Variants in MCF2L2 observed in about 807,000 individuals in gnomAD.
The protein encoded by MCF2L2 is MCF.2 cell line derived transforming sequence-like 2.
In MCF2L2, 102 loss-of-function variants were observed where a neutral mutation model predicts 150.2. That is an observed-to-expected ratio of 0.68 (90% CI 0.58 to 0.80). MCF2L2 has a LOEUF of 0.80. MCF2L2 is among the 30% of genes least tolerant of loss of function. MCF2L2 has a pLI of 0.00. For synonymous variants in MCF2L2, 465 were observed against 491.3 expected (o/e 0.95, Z 0.71); for missense variants, 1,256 against 1,372.8 (o/e 0.91, Z 1.34).
intron 25 of MCF2L2, among the ~76,000 whole-genome samples, chr3:183,205,034 G>A (rs1722423695): frequency 6.6e-6 from 1 of 152,168 alleles, no homozygotes; most frequent in Non-Finnish European, 1.5e-5. Flanking sequence ...TTTGTTGGGA[G>A]AGTTATGAAA....
At chr3:183,220,861 T>C (rs1401350105) in intron 20 of MCF2L2, among the ~76,000 whole-genome samples, 1 of 152,242 alleles carries the variant, frequency 6.6e-6, no homozygotes, top group African/African-American at 2.4e-5. Context: ...TTTATTATAA[T>C]TTCCAAGAGC....
intron 27 of MCF2L2, among the ~76,000 whole-genome samples, chr3:183,188,268 G>A (rs898512447): frequency 2.6e-5 from 4 of 152,300 alleles, no homozygotes; most frequent in Non-Finnish European, 5.9e-5. Context: ...CACAGATTGA[G>A]TTAAGTAGGA....
chr3:183,186,596 G>A (rs531951113), intron 27 of MCF2L2, among the ~76,000 whole-genome samples: 2 of 152,302 alleles, frequency 1.3e-5, no homozygotes, highest in Admixed American at 1.3e-4. Context: ...GTGTGGTGGT[G>A]GGCACCTGTA....
chr3:183,208,065 G>T (rs1722562919), intron 22 of MCF2L2, among the ~76,000 whole-genome samples: 1 of 152,208 alleles, frequency 6.6e-6, no homozygotes, highest in Non-Finnish European at 1.5e-5. Context: ...TATACATAAA[G>T]AATGTTAGAA....
In MCF2L2 at chr3:183,333,912, C is replaced by T. The variant is rs956430449; in HGVS notation, c.486+4888G>A. Reference sequence around the variant, plus strand: ...GGTAACAAAGCTGGATCAGAGCATGCCTGAGAGGGGCCTAGATGATCATAT... The same window carrying T: ...GGTAACAAAGCTGGATCAGAGCATGTCTGAGAGGGGCCTAGATGATCATAT... On this transcript the variant is annotated intron_variant, in intron 5 of 29. Transcript: ENST00000328913. 6.7e-5 allele frequency among the ~76,000 whole-genome samples: 10 copies of T among 150,134 alleles called. 1 individual carries two copies. Among genetic ancestry groups the T allele is most frequent in the Admixed American group, 6.7e-4 (10 of 15,020 alleles).
intron 15 of MCF2L2, among the ~76,000 whole-genome samples, chr3:183,247,095 G>A (rs751330291): frequency 2.0e-5 from 3 of 152,164 alleles, no homozygotes; most frequent in African/African-American, 4.8e-5. Flanking sequence ...CCAATTCTGT[G>A]GACGAGAGTA....
At chr3:183,390,938 ATGAAC>A (rs1310438122) in intron 1 of MCF2L2, among the ~76,000 whole-genome samples, 2 of 152,194 alleles carry the variant, frequency 1.3e-5, no homozygotes, top group Non-Finnish European at 1.5e-5. Context: ...CAAAAAATGA[ATGAAC>A]TGGTTATTGT....
chr3:183,428,556 C>G lies in MCF2L2; in HGVS notation c.-579G>C, dbSNP rs1716288484. On this transcript the variant is annotated 5_prime_UTR_variant, in exon 1 of 30. Transcript: ENST00000328913. This position sits in a 1 kb window ranked among gnomAD's most constrained non-coding sequence, Gnocchi z 5.1. Reference sequence around the variant, plus strand: ...CGCACCTTTCCCTGCGGGGAGCCCGCGCTCCACCCCCGGAGTGGAGCTCCG... The same window carrying G: ...CGCACCTTTCCCTGCGGGGAGCCCGGGCTCCACCCCCGGAGTGGAGCTCCG... 2 of 152,438 alleles carry G rather than the reference C, an allele frequency of 1.3e-5. No homozygotes were observed. Among genetic ancestry groups the G allele is most frequent in the African/African-American group, 4.8e-5 (2 of 41,460 alleles). 9.4% of individuals were successfully genotyped at this position (152,438 alleles called of 1,614,324 possible). A position where few individuals can be genotyped will look rare whatever the true frequency, so the allele number is the denominator to read the frequency against.
chr3:183,182,099 G>T (rs1305797831), intron 27 of MCF2L2, among the ~76,000 whole-genome samples: 1 of 152,146 alleles, frequency 6.6e-6, no homozygotes, highest in Non-Finnish European at 1.5e-5. Flanking sequence ...TCAGACCCTG[G>T]ACTCAACTGT....
intron 10 of MCF2L2, 28 bp from the exon 11 acceptor site, chr3:183,300,224 G>A (rs16857277): frequency 0.01 from 15,998 of 1,567,692 alleles, 798 homozygotes; most frequent in African/African-American, 0.099. Flanking sequence ...ACAGCCAGGC[G>A]TCAGAAGTCA....
intron 1 of MCF2L2, among the ~76,000 whole-genome samples, chr3:183,408,093 C>T (rs748989574): frequency 2.0e-5 from 3 of 149,502 alleles, no homozygotes; most frequent in East Asian, 2.0e-4. Flanking sequence ...CTCCCATCTT[C>T]GGAAAATTAC....
chr3:183,290,202 T>C (rs968982026), intron 13 of MCF2L2, among the ~76,000 whole-genome samples: 1 of 152,230 alleles, frequency 6.6e-6, no homozygotes, highest in Non-Finnish European at 1.5e-5. Flanking sequence ...ACAATCATAC[T>C]ATGATTGTAT....
chr3:183,180,558 CA>C (rs1332666839), intron 27 of MCF2L2, among the ~76,000 whole-genome samples: 2 of 152,194 alleles, frequency 1.3e-5, no homozygotes, highest in African/African-American at 2.4e-5. Flanking sequence ...ATCTCCCTGG[CA>C]GCCTCTGCCA....
chr3:183,332,609 G>A (rs1298202110), intron 5 of MCF2L2, among the ~76,000 whole-genome samples: 1 of 152,124 alleles, frequency 6.6e-6, no homozygotes, highest in African/African-American at 2.4e-5. Flanking sequence ...GTGACATTTG[G>A]TCAAATGCTC....
chr3:183,269,921 C>T, intron 15 of MCF2L2: 1 of 1,614,052 alleles, frequency 6.2e-7, no homozygotes. Flanking sequence ...ACATTGTGAG[C>T]CATATGAAGT....
At chr3:183,224,075 G>A (rs1353505424) in intron 19 of MCF2L2, 23 bp downstream of exon 19, 1 of 1,577,764 alleles carries the variant, frequency 6.3e-7, no homozygotes, top group Non-Finnish European at 8.7e-7. Context: ...TTTCCAGGAA[G>A]AAGTTTGTCT....
At chr3:183,206,979 GAGGGAGGGAGGAAGGAAGGGAGGGAGGA>G (rs1560341348) in intron 23 of MCF2L2, among the ~76,000 whole-genome samples, 10 of 55,694 alleles carry the variant, frequency 1.8e-4, no homozygotes, top group East Asian at 4.9e-4. Flanking sequence ...GGAAGGGAGG[GAGGGAGGGAGGAAGGAAGGGAGGGAGGA>G]AGGAAGGAAG....
At chr3:183,398,895 ATCT>A (rs1345619587) in intron 1 of MCF2L2, among the ~76,000 whole-genome samples, 1 of 152,176 alleles carries the variant, frequency 6.6e-6, no homozygotes, top group African/African-American at 2.4e-5. Flanking sequence ...ATGTTTCATA[ATCT>A]TCTTTAGTAG....
chr3:183,238,226 T>C (rs1009614229), intron 15 of MCF2L2, among the ~76,000 whole-genome samples: 3 of 150,902 alleles, frequency 2.0e-5, no homozygotes, highest in Non-Finnish European at 4.4e-5. Context: ...TAAAACGTTA[T>C]GAGATTTTTT....
Sources: gnomAD v4.1 joint callset for allele counts (sites outside exome capture counted in the v4.1 genomes callset) on GRCh38, gnomAD v4.1.1 for gene constraint, Gnocchi (gnomAD v3.1) non-coding constraint, MANE v1.5 for transcripts, NCBI Gene and HGNC (gene_info 2026-07-23, HGNC 2026-07-21) for gene names.